Variants in NUP214 observed in about 807,000 individuals in gnomAD.
NUP214 encodes nuclear pore complex protein Nup214.
Under a neutral mutation model 196.2 loss-of-function variants are expected in NUP214, and 79 were observed. That is an observed-to-expected ratio of 0.40 (90% CI 0.34 to 0.49). The LOEUF (loss-of-function observed/expected upper bound fraction) is 0.49, where lower values mean the gene tolerates loss of function less well. NUP214 is among the 20% of genes least tolerant of loss of function. NUP214 has a pLI of 0.58. For synonymous variants in NUP214, 1,020 were observed against 990.5 expected (o/e 1.03, Z -0.56); for missense variants, 2,468 against 2,539.0 (o/e 0.97, Z 0.60).
chr9:131,228,888 A>C (rs1834796876), intron 33 of NUP214: 1 of 152,214 alleles, frequency 6.6e-6, no homozygotes, highest in Non-Finnish European at 1.5e-5. Context: ...GTGCGTCTGC[A>C]CTGGAAAAGG....
chr9:131,222,666 G>A lies in NUP214; in HGVS notation c.5750-112G>A, dbSNP rs775486917. 1.4e-4 allele frequency: 186 copies of A among 1,284,086 alleles called. 2 individuals carry two copies. The Middle Eastern group carries it at 2.2e-3, about 15-fold the overall frequency. The allele number at this position is 1,284,086 out of a possible 1,614,324, so 79.5% of individuals were successfully genotyped here. A position where few individuals can be genotyped will look rare whatever the true frequency, so the allele number is the denominator to read the frequency against. ...CGCTCCGCTCCCTTGGCTTCTAGGC[G>A]GCTTGTCACTCCCATCTTTCCAAAC... On this transcript the variant is annotated intron_variant, in intron 31 of 35. Coordinates refer to ENST00000359428, the MANE Select transcript of NUP214 (RefSeq NM_005085.4).
intron 30 of NUP214, among the ~76,000 whole-genome samples, chr9:131,210,400 C>T (rs951326113): frequency 3.9e-5 from 6 of 151,994 alleles, no homozygotes; most frequent in South Asian, 2.1e-4. Context: ...GAGGCCAAGG[C>T]GGGCGGATCA....
intron 4 of NUP214, among the ~76,000 whole-genome samples, 160 bp from the exon 5 acceptor site, chr9:131,130,606 T>TA (rs1467112359): frequency 6.6e-6 from 1 of 152,244 alleles, no homozygotes; most frequent in Non-Finnish European, 1.5e-5. Context: ...CTTATATCGT[T>TA]AAAATGATTT....
At chr9:131,168,617 G>A (rs1832855661) in intron 21 of NUP214, among the ~76,000 whole-genome samples, 1 of 152,148 alleles carries the variant, frequency 6.6e-6, no homozygotes, top group South Asian at 2.1e-4. Flanking sequence ...TTGGGTTTAG[G>A]TTCTTTCACT....
In NUP214 at chr9:131,178,328, G is replaced by C; in HGVS notation, c.3337G>C (p.Glu1113Gln). Reference sequence around the variant, plus strand: ...TAAATTAGCTGTAAACACTTTGACTGAATCAACGTTGAAGAATGTCCCTCA... The same window carrying C: ...TAAATTAGCTGTAAACACTTTGACTCAATCAACGTTGAAGAATGTCCCTCA... Reference protein sequence around the residue: ...SQAPAVNTLTESTLKNVPQVV... With the variant: ...SQAPAVNTLTQSTLKNVPQVV... The change falls in exon 24 of 36, where the codon GAA (glutamate) becomes CAA (glutamine). Residue 1113 changes from glutamate (E) to glutamine (Q), a missense_variant. Coordinates refer to ENST00000359428, the MANE Select transcript of NUP214 (RefSeq NM_005085.4). 1 of 1,613,424 alleles carries C rather than the reference G, an allele frequency of 6.2e-7. No homozygotes were observed. The highest frequency in any genetic ancestry group is 8.5e-7 in the Non-Finnish European group (1 of 1,179,398).
At chr9:131,130,735 G>A in intron 4 of NUP214, 31 bp from the exon 5 acceptor site, 2 of 1,605,184 alleles carry the variant, frequency 1.2e-6, no homozygotes, top group South Asian at 2.2e-5. Flanking sequence ...CCATTTTCTT[G>A]TTTTCATTTG....
chr9:131,209,438 T>A (rs1221441449), intron 30 of NUP214, among the ~76,000 whole-genome samples: 1 of 152,202 alleles, frequency 6.6e-6, no homozygotes, highest in Non-Finnish European at 1.5e-5. Context: ...TCGCCCATGC[T>A]GGAGTGCAGT....
In NUP214 at chr9:131,132,850, A is replaced by C. The variant is rs1168101429; in HGVS notation, c.727+191A>C. 6 of 622,068 alleles carry C rather than the reference A, an allele frequency of 9.6e-6. No individual in the cohort carries two copies. In the East Asian group the frequency reaches 1.7e-4, roughly 17 times the overall value. 38.5% of individuals were successfully genotyped at this position (622,068 alleles called of 1,614,324 possible). ...TGGGTGACATCTGTGTTTCACGATA[A>C]ATGACATGAAATGGATCCCGACTTT... On this transcript the variant is annotated intron_variant, in intron 6 of 35. Coordinates refer to ENST00000359428, the MANE Select transcript of NUP214 (RefSeq NM_005085.4).
At chr9:131,139,536 C>G in intron 10 of NUP214, 129 bp downstream of exon 10, 3 of 1,376,548 alleles carry the variant, frequency 2.2e-6, no homozygotes. Flanking sequence ...CAGCACATTT[C>G]TCCCTGAAGA....
intron 4 of NUP214, among the ~76,000 whole-genome samples, chr9:131,130,084 G>A (rs1831484915): frequency 6.6e-6 from 1 of 151,278 alleles, no homozygotes; most frequent in Non-Finnish European, 1.5e-5. Flanking sequence ...GTACCTTTGG[G>A]CGGAAAAGCA....
At chr9:131,152,705 G>A (rs1467367095) in intron 17 of NUP214, among the ~76,000 whole-genome samples, 1 of 152,082 alleles carries the variant, frequency 6.6e-6, no homozygotes, top group African/African-American at 2.4e-5. Context: ...TGTTGGCTAG[G>A]AAACGGGGAA....
intron 21 of NUP214, 50 bp downstream of exon 21, chr9:131,164,194 GGTGTGTGTGTGTGCGCGCGCACATGCAC>G: frequency 1.3e-6 from 2 of 1,562,644 alleles, no homozygotes; most frequent in Non-Finnish European, 1.8e-6. Context: ...GGTGTGGTGG[GGTGTGTGTGTGTGCGCGCGCACATGCAC>G]GTGTGCATGT....
intron 31 of NUP214, 98 bp from the exon 32 acceptor site, chr9:131,222,680 A>G (rs1588177594): frequency 7.0e-7 from 1 of 1,431,544 alleles, no homozygotes; most frequent in Admixed American, 2.2e-5. Flanking sequence ...TGTCACTCCC[A>G]TCTTTCCAAA....
chr9:131,151,190 A>G (rs1430398711), intron 16 of NUP214, among the ~76,000 whole-genome samples: 1 of 152,230 alleles, frequency 6.6e-6, no homozygotes, highest in Non-Finnish European at 1.5e-5. Context: ...AGTGTTAATT[A>G]TTGTAACCAT....
rs1007216866 is a variant in NUP214 at position 131,146,655 on chromosome 9, T to C, written c.1945+351T>C. ...CAGGCACAAGAGTTGTTTGGCGGGG[T>C]GCGGTGGCTCACGCCTATAAACCCA... On this transcript the variant is annotated intron_variant, in intron 13 of 35. Coordinates refer to ENST00000359428, the MANE Select transcript of NUP214 (RefSeq NM_005085.4). This position sits in a 1 kb window ranked among gnomAD's most constrained non-coding sequence, Gnocchi z 4.6. Among the ~76,000 whole-genome samples, 3 of 152,018 alleles carry C rather than the reference T, an allele frequency of 2.0e-5. No individual in the cohort carries two copies. Among genetic ancestry groups the C allele is most frequent in the Non-Finnish European group, 4.4e-5 (3 of 68,000 alleles).
chr9:131,140,894 A>T (rs1164183860), intron 11 of NUP214, among the ~76,000 whole-genome samples, 184 bp downstream of exon 11: 2 of 152,186 alleles, frequency 1.3e-5, no homozygotes, highest in Non-Finnish European at 2.9e-5. Flanking sequence ...CCCTACCCTC[A>T]AGCTTTATTC....
chr9:131,200,796 T>A (rs1399784077), intron 29 of NUP214, among the ~76,000 whole-genome samples: 1 of 152,070 alleles, frequency 6.6e-6, no homozygotes, highest in African/African-American at 2.4e-5. Flanking sequence ...CTGCCTCATG[T>A]TCCCAGGCCC....
chr9:131,215,993 C>T (rs965159640), intron 31 of NUP214, among the ~76,000 whole-genome samples: 3 of 150,200 alleles, frequency 2.0e-5, no homozygotes, highest in Admixed American at 6.7e-5. Context: ...ACCTCCGCCT[C>T]CCAGGTTCAA....
Position 131,147,562 on chromosome 9 carries a change from C to A in NUP214, c.2018C>A (p.Ala673Glu). 6.2e-7 allele frequency: 1 copy of A among 1,613,780 alleles called. No homozygotes were observed. ...AAATCACCCAGGATAACCCCTCCAG[C>A]GGCAAAGCCAGGCTCTCCCCAGGTA... ...VQKSPRITPP[A>E]AKPGSPQAKS... is the part of the protein sequence containing the mutation. The change falls in exon 14 of 36, where the codon GCG becomes GAG. Residue 673 changes from alanine (A) to glutamate (E), a missense_variant. Ala to Glu is a moderately radical substitution (Grantham distance 107, BLOSUM62 -1). This residue lies in a region of NUP214 where 1,801 missense variants were observed against 1,779.4 expected (regional missense o/e 1.01). Coordinates refer to ENST00000359428, the MANE Select transcript of NUP214 (RefSeq NM_005085.4).
Sources: allele counts gnomAD v4.1 joint callset (sites outside exome capture counted in the v4.1 genomes callset), GRCh38; gene constraint gnomAD v4.1.1; regional missense constraint gnomAD v4.1.1; non-coding constraint Gnocchi (gnomAD v3.1); transcripts MANE v1.5; gene names NCBI Gene and HGNC (gene_info 2026-07-23, HGNC 2026-07-21).